The following NOBOX variants were observed in gnomAD, a reference collection of about 807,000 sequenced individuals.
NOBOX encodes the protein NOBOX oogenesis homeobox, also known as homeobox protein NOBOX.
In NOBOX, 46 loss-of-function variants were observed where a neutral mutation model predicts 60.2. The observed-to-expected ratio is 0.76, with a 90% CI of 0.60 to 0.98. NOBOX has a LOEUF of 0.98. NOBOX is among the 50% of genes least tolerant of loss of function. The pLI, the probability that NOBOX is intolerant of heterozygous loss-of-function variation, is 0.00. For missense variants in NOBOX, 880 were observed against 865.5 expected (o/e 1.02, Z -0.21); for synonymous variants, 360 against 346.3 (o/e 1.04, Z -0.44).
chr7:144,398,888 C>G, intron 8 of NOBOX, 62 bp downstream of exon 6: 1 of 878,322 alleles, frequency 1.1e-6, no homozygotes, highest in Non-Finnish European at 1.8e-6. Flanking sequence ...ATCTTCTCTC[C>G]ATCTACACCC....
At position 144,398,575 on chromosome 7, in the gene NOBOX, G is replaced by T. The variant is rs1249493631; in HGVS notation, c.1481C>A (p.Pro494Gln). 1.3e-6 allele frequency: 2 copies of T among 1,535,808 alleles called. No homozygotes were observed. Among genetic ancestry groups the T allele is most frequent in the Non-Finnish European group, 1.7e-6 (2 of 1,146,662 alleles). ...CTCCTCCAAATATGAACAGGGGGGT[G>T]GCAGGGTGATGCTGCAAGGACAGAG... The change falls in exon 9 of 10, where the codon CCA becomes CAA. Residue 494 changes from proline to glutamine, a missense_variant. Physicochemically the swap from Pro to Gln is moderately conservative, Grantham distance 76 (BLOSUM62 -1). Coordinates refer to ENST00000467773, the MANE Select transcript of NOBOX (RefSeq NM_001080413.3).
At chr7:144,404,974 G>T (rs1037497546) in intron 1 of NOBOX, among the ~76,000 whole-genome samples, 1 of 152,162 alleles carries the variant, frequency 6.6e-6, no homozygotes, top group Non-Finnish European at 1.5e-5. Context: ...TTTGCTTTAA[G>T]GATTTAAAAG....
chr7:144,401,177 C>T lies in NOBOX; in HGVS notation c.713G>A (p.Gly238Asp), dbSNP rs771731726. 5.6e-6 allele frequency: 9 copies of T among 1,613,356 alleles called. No individual in the cohort carries two copies. The highest frequency in any genetic ancestry group is 3.3e-5 in the South Asian group (3 of 90,998). ...ATTGGCCAGGTGGCAGGGCCCCCGG[C>T]CTGACCCACAGGGCACTGGGTTGTG... The change falls in exon 4 of 10, where the codon GGC becomes GAC. Residue 238 changes from glycine to aspartate, a missense_variant. Transcript: ENST00000467773. The surrounding 1 kb of genome is among the most constrained non-coding windows in gnomAD (Gnocchi z 4.2).
At chr7:144,397,235 C>T, downstream of NOBOX, 1 of 1,523,534 alleles carries the variant, frequency 6.6e-7, no homozygotes, top group Non-Finnish European at 8.8e-7. Flanking sequence ...TCTTTGACCC[C>T]CCAACTAGGG....
At position 144,398,570 on chromosome 7, in the gene NOBOX, G is replaced by A. The variant is rs769382398; in HGVS notation, c.1486C>T (p.Pro496Ser). ...TCCAGCTCCTCCAAATATGAACAGGGGGGTGGCAGGGTGATGCTGCAAGGA... is the reference window on the plus strand; with the variant it reads ...TCCAGCTCCTCCAAATATGAACAGGAGGGTGGCAGGGTGATGCTGCAAGGA... The change falls in exon 9 of 10, where the codon CCC (proline) becomes TCC (serine). Residue 496 changes from proline (P) to serine (S), a missense_variant. Coordinates refer to ENST00000467773, the MANE Select transcript of NOBOX (RefSeq NM_001080413.3). 1.3e-6 allele frequency: 2 copies of A among 1,535,998 alleles called. No homozygotes were observed. Among genetic ancestry groups the A allele is most frequent in the South Asian group, 2.4e-5 (2 of 84,002 alleles).
Position 144,397,473 on chromosome 7 carries a change from G to C in NOBOX, c.1843C>G (p.Leu615Val). 1 of 1,537,186 alleles carries C rather than the reference G, an allele frequency of 6.5e-7. No homozygotes were observed. Residue 615 changes from leucine (L) to valine (V), a missense_variant, in exon 10 of 10, where the codon CTG becomes GTG. Transcript: ENST00000467773. ...CCATCCCCTCCTGGGGGATGCCCCA[G>C]AGCTTGTGGGCAGAACGGACCAGGG... is the stretch of plus-strand genomic sequence containing the variant.
At chr7:144,407,069 A>G (rs916968) in intron 1 of NOBOX, among the ~76,000 whole-genome samples, 1 of 151,124 alleles carries the variant, frequency 6.6e-6, no homozygotes, top group East Asian at 1.9e-4. Context: ...ATGCACTTAG[A>G]AAGAGTCATT....
At chr7:144,405,929 T>C (rs1382339511) in intron 1 of NOBOX, among the ~76,000 whole-genome samples, 2 of 151,990 alleles carry the variant, frequency 1.3e-5, no homozygotes, top group African/African-American at 4.8e-5. Flanking sequence ...AAAACTATCC[T>C]GGGGATAGGA....
In NOBOX at chr7:144,401,155, G is replaced by A; in HGVS notation, c.735C>T (p.Ala245=). Residue 245 remains alanine, a synonymous_variant, in exon 4 of 10, where the codon GCC becomes GCT. Coordinates refer to ENST00000467773, the MANE Select transcript of NOBOX (RefSeq NM_001080413.3). This position sits in a 1 kb window ranked among gnomAD's most constrained non-coding sequence, Gnocchi z 4.2. Reference sequence around the variant, plus strand: ...TCTGCGCCAATGTACTGAGGAGATTGGCCAGGTGGCAGGGCCCCCGGCCTG... The same window carrying A: ...TCTGCGCCAATGTACTGAGGAGATTAGCCAGGTGGCAGGGCCCCCGGCCTG... 6.2e-7 allele frequency: 1 copy of A among 1,611,306 alleles called. No individual in the cohort carries two copies. Among genetic ancestry groups the A allele is most frequent in the Non-Finnish European group, 8.5e-7 (1 of 1,178,254 alleles).
In NOBOX at chr7:144,398,517, C is replaced by T; in HGVS notation, c.1539G>A (p.Gln513=). Residue 513 remains glutamine (Q), a synonymous_variant, in exon 9 of 10, where the codon CAG becomes CAA. Transcript: ENST00000467773. ...CCTGGGAGAACTGGAAGGGTCCTGG[C>T]TGGTTGCTCTGTTGGTAATCCTGGG... 1.3e-6 allele frequency: 2 copies of T among 1,536,640 alleles called. No individual in the cohort carries two copies. Among genetic ancestry groups the T allele is most frequent in the Middle Eastern group, 1.7e-4 (1 of 5,798 alleles).
chr7:144,404,438 G>C, intron 2 of NOBOX: 2 of 828,734 alleles, frequency 2.4e-6, no homozygotes, highest in Non-Finnish European at 3.9e-6. Context: ...TAGTAGAGAC[G>C]GGGTTTCACC....
At chr7:144,398,651 T>G in intron 8 of NOBOX, 65 bp from the exon 7 acceptor site, 1 of 1,189,316 alleles carries the variant, frequency 8.4e-7, no homozygotes, top group Non-Finnish European at 1.2e-6. Flanking sequence ...CCTACCACAG[T>G]AGCGGAGTCC....
chr7:144,399,499 T>C lies in NOBOX; in HGVS notation c.1155-17A>G. 1.9e-6 allele frequency: 3 copies of C among 1,558,142 alleles called. No individual in the cohort carries two copies. Among genetic ancestry groups the C allele is most frequent in the Non-Finnish European group, 2.6e-6 (3 of 1,148,724 alleles). On this transcript the variant is annotated splice_polypyrimidine_tract_variant and intron_variant, in intron 6 of 9. Coordinates refer to ENST00000467773, the MANE Select transcript of NOBOX (RefSeq NM_001080413.3). ...GCTGCAGAGCTGGAGGCAGGAAGAA[T>C]GAAGACTGTAGCTTTGGTGGTCTCT...
At chr7:144,397,146 T>C, downstream of NOBOX, 1 of 1,086,682 alleles carries the variant, frequency 9.2e-7, no homozygotes, top group South Asian at 1.6e-5. Flanking sequence ...GTCTACAGAG[T>C]CCACACTCTT....
Position 144,401,503 on chromosome 7 carries a change from C to T in NOBOX, c.387G>A (p.Glu129=). The change falls in exon 4 of 10, where the codon GAG becomes GAA. Residue 129 remains glutamate, a synonymous_variant. Transcript: ENST00000467773. This position sits in a 1 kb window ranked among gnomAD's most constrained non-coding sequence, Gnocchi z 4.2. ...AGATGGTGCAGGAGGGTGGCAGTTC[C>T]TCACTCTGAGTGTCCTGAGCATGAG... 1 of 1,533,604 alleles carries T rather than the reference C, an allele frequency of 6.5e-7. No individual in the cohort carries two copies. The allele number at this position is 1,533,604 out of a possible 1,614,324, so 95.0% of individuals were successfully genotyped here.
In NOBOX at chr7:144,400,529, C is replaced by T. The variant is rs74300794; in HGVS notation, c.845-217G>A. Among the ~76,000 whole-genome samples, 248 of 152,310 alleles carry T rather than the reference C, an allele frequency of 1.6e-3. 6 individuals are homozygous for T. In the East Asian group the frequency reaches 0.04, roughly 25 times the overall value. On this transcript the variant is annotated intron_variant, in intron 4 of 9. Coordinates refer to ENST00000467773, the MANE Select transcript of NOBOX (RefSeq NM_001080413.3). ...CTTTCTTTACTCTTCTACCCTGGTC[C>T]CAACATCATTTTCTTTTTTTCTTTT...
rs534244130 is a variant in NOBOX at position 144,404,070 on chromosome 7, GCTCAC to G, written c.210+481_210+485del. On this transcript the variant is annotated intron_variant, in intron 2 of 9. Coordinates refer to ENST00000467773, the MANE Select transcript of NOBOX (RefSeq NM_001080413.3). Reference sequence around the variant, plus strand: ...TCGGGGGGCTGGGCCCAGCCGTGGGGCTCACCCACACCCTATGGAGGACTCAGTCC... The same window carrying G: ...TCGGGGGGCTGGGCCCAGCCGTGGGGCCACACCCTATGGAGGACTCAGTCC... 1.4e-3 allele frequency among the ~76,000 whole-genome samples: 219 copies of G among 152,254 alleles called. 1 individual carries two copies. The highest frequency in any genetic ancestry group is 5.0e-3 in the African/African-American group (208 of 41,556).
intron 2 of NOBOX, among the ~76,000 whole-genome samples, chr7:144,403,934 C>G (rs563950298): frequency 3.7e-4 from 56 of 152,186 alleles, no homozygotes; most frequent in Non-Finnish European, 1.3e-4. Flanking sequence ...TCCGCTCCCC[C>G]CAGCCAGGAG....
Position 144,399,049 on chromosome 7 carries a change from AG to A in NOBOX, c.1369del (p.Gly458AlafsTer8). ...CAGTTGGGGGGTGTGGACAGGGCCA[AG>A]GGGGAAAGGAAGATCGGCCCTTCGC... On this transcript the variant is annotated frameshift_variant, in exon 8 of 10. Coordinates refer to ENST00000467773, the MANE Select transcript of NOBOX (RefSeq NM_001080413.3). LOFTEE classifies it high-confidence loss of function. The A allele has an allele frequency of 6.3e-7, 1 of 1,579,044 alleles. No individual in the cohort carries two copies. The highest frequency in any genetic ancestry group is 8.6e-7 in the Non-Finnish European group (1 of 1,157,842).
Sources: allele counts gnomAD v4.1 joint callset (sites outside exome capture counted in the v4.1 genomes callset), GRCh38; gene constraint gnomAD v4.1.1; non-coding constraint Gnocchi (gnomAD v3.1); transcripts MANE v1.5; gene names NCBI Gene and HGNC (gene_info 2026-07-23, HGNC 2026-07-21).